Variants in CELF2 observed in about 807,000 individuals in gnomAD.
CELF2 encodes the protein CUG triplet repeat RNA-binding protein 2.
A neutral mutation model predicts 62.6 loss-of-function variants in CELF2; 8 were observed. The observed-to-expected ratio is 0.13, with a 90% CI of 0.07 to 0.23. The LOEUF is 0.23. Among genes scored for constraint, CELF2 ranks in the 10% least tolerant of loss-of-function variants. CELF2 has a pLI of 1.00. For missense variants in CELF2, 333 were observed against 671.0 expected (o/e 0.50, Z 5.56); for synonymous variants, 258 against 250.0 (o/e 1.03, Z -0.30).
intron 2 of CELF2, among the ~76,000 whole-genome samples, chr10:11,175,725 G>T (rs959937964): frequency 6.6e-6 from 1 of 152,160 alleles, no homozygotes; most frequent in Non-Finnish European, 1.5e-5. Context: ...CCGTTTTAAT[G>T]TTGAACTGAA....
At chr10:11,301,477 CT>C (rs1215711013) in intron 9 of CELF2, among the ~76,000 whole-genome samples, 2 of 37,118 alleles carry the variant, frequency 5.4e-5, no homozygotes, top group African/African-American at 1.2e-4. Context: ...ACCCCCCTCG[CT>C]TCCCCCCCTA....
chr10:11,193,408 G>A (rs958781617), intron 2 of CELF2, among the ~76,000 whole-genome samples: 11 of 152,208 alleles, frequency 7.2e-5, no homozygotes, highest in African/African-American at 1.4e-4. Flanking sequence ...AAGTTTCACC[G>A]TGACAAGTGC....
At chr10:10,625,083 T>C in the CELF2 span, among the ~76,000 whole-genome samples, 1 of 152,228 alleles carries the variant, frequency 6.6e-6, no homozygotes, top group East Asian at 1.9e-4. Flanking sequence ...TGCCCTTTTG[T>C]GACTTCTTTT....
At chr10:10,817,737 G>A (rs920694801) in intron 1 of CELF2, among the ~76,000 whole-genome samples, 1 of 152,146 alleles carries the variant, frequency 6.6e-6, no homozygotes, top group African/African-American at 2.4e-5. Context: ...GAACAGTTAG[G>A]TGGCTTCCAA....
intron 1 of CELF2, among the ~76,000 whole-genome samples, chr10:11,142,303 T>C (rs1477908823): frequency 6.6e-5 from 10 of 152,206 alleles, no homozygotes; most frequent in African/African-American, 2.2e-4. Context: ...TTGTGCCCTA[T>C]GGTTCTTATG....
the CELF2 span, among the ~76,000 whole-genome samples, chr10:10,753,989 G>T: frequency 6.7e-6 from 1 of 148,904 alleles, no homozygotes; most frequent in Admixed American, 6.8e-5. Flanking sequence ...TGCTTGTTGA[G>T]ACATGTTTCA....
chr10:10,706,168 T>TC, the CELF2 span, among the ~76,000 whole-genome samples: 139 of 152,346 alleles, frequency 9.1e-4, no homozygotes, highest in East Asian at 0.012. Context: ...ATATGATGCT[T>TC]CTTTCAGGAA....
chr10:11,030,426 A>G (rs2059910460), intron 1 of CELF2: 1 of 152,228 alleles, frequency 6.6e-6, no homozygotes, highest in South Asian at 2.1e-4. Context: ...CTCATTTCCA[A>G]AGCCTGAGGA....
At chr10:10,855,271 T>C (rs2059637204) in intron 1 of CELF2, among the ~76,000 whole-genome samples, 1 of 152,180 alleles carries the variant, frequency 6.6e-6, no homozygotes, top group Non-Finnish European at 1.5e-5. Flanking sequence ...TCAGAGGTGC[T>C]TCTGGCATTC....
At chr10:11,266,758 G>A in intron 6 of CELF2, 81 bp downstream of exon 6, 1 of 1,092,276 alleles carries the variant, frequency 9.2e-7, no homozygotes, top group Non-Finnish European at 1.4e-6. Flanking sequence ...TGTGTGGATT[G>A]TTCACATGAC....
the CELF2 span, among the ~76,000 whole-genome samples, chr10:10,646,080 G>A: frequency 6.6e-6 from 1 of 152,118 alleles, no homozygotes; most frequent in African/African-American, 2.4e-5. Flanking sequence ...TTTCAGATAA[G>A]ATCTAATATG....
intron 1 of CELF2, among the ~76,000 whole-genome samples, chr10:10,881,624 G>T (rs961266673): frequency 3.3e-5 from 5 of 152,070 alleles, no homozygotes; most frequent in East Asian, 3.9e-4. Flanking sequence ...CTAAATTCCC[G>T]ATCTGACTTT....
chr10:10,601,646 TAAAAC>T, the CELF2 span, among the ~76,000 whole-genome samples: 3 of 152,066 alleles, frequency 2.0e-5, no homozygotes, highest in African/African-American at 7.2e-5. Flanking sequence ...TATTCTGTCT[TAAAAC>T]AAACAAAAAA....
chr10:11,315,352 G>A lies in CELF2; in HGVS notation c.1096+1094G>A, dbSNP rs1223674270. ...AATAAAGGAGTCCGTGACAGTTGTTGCCCTATTTTAAGCCATGGTTCAATA... is the reference window on the plus strand; with the variant it reads ...AATAAAGGAGTCCGTGACAGTTGTTACCCTATTTTAAGCCATGGTTCAATA... On this transcript the variant is annotated intron_variant, in intron 10 of 12. Transcript: ENST00000633077. The surrounding 1 kb of genome is among the most constrained non-coding windows in gnomAD (Gnocchi z 5.8). Among the ~76,000 whole-genome samples the A allele has an allele frequency of 6.6e-6, 1 of 152,128 alleles. No homozygotes were observed. The highest frequency in any genetic ancestry group is 1.9e-4 in the East Asian group (1 of 5,192).
the CELF2 span, among the ~76,000 whole-genome samples, chr10:10,637,347 C>A: frequency 6.6e-6 from 1 of 152,286 alleles, no homozygotes; most frequent in Admixed American, 6.5e-5. Context: ...AGAACTAGAA[C>A]CTCCATCTCT....
the CELF2 span, among the ~76,000 whole-genome samples, chr10:10,716,769 C>T: frequency 6.6e-6 from 1 of 152,164 alleles, no homozygotes; most frequent in Non-Finnish European, 1.5e-5. Context: ...AAACTTTCCA[C>T]CAAAGCAAAG....
chr10:11,195,948 C>T (rs1565220356), intron 2 of CELF2, among the ~76,000 whole-genome samples: 1 of 151,914 alleles, frequency 6.6e-6, no homozygotes, highest in African/African-American at 2.4e-5. Flanking sequence ...AATATTAATA[C>T]TCTTTTTTTG....
chr10:10,793,848 T>C (rs568707552), upstream of CELF2, among the ~76,000 whole-genome samples: 40 of 152,298 alleles, frequency 2.6e-4, no homozygotes, highest in African/African-American at 9.6e-4. Context: ...AAATAAAAAA[T>C]AATCACCACA....
At position 11,315,899 on chromosome 10, in the gene CELF2, A is replaced by G. The variant is rs1004482233; in HGVS notation, c.1096+1641A>G. ...CTTGCCCCAGGACCTAGTTCCCCTA[A>G]AACAAGGACTTTGATTTGACCGCCT... On this transcript the variant is annotated intron_variant, in intron 10 of 12. Coordinates refer to ENST00000633077, the MANE Select transcript of CELF2 (RefSeq NM_001326342.2). This position sits in a 1 kb window ranked among gnomAD's most constrained non-coding sequence, Gnocchi z 5.8. Among the ~76,000 whole-genome samples, 3 of 152,204 alleles carry G rather than the reference A, an allele frequency of 2.0e-5. No individual in the cohort carries two copies. The highest frequency in any genetic ancestry group is 7.2e-5 in the African/African-American group (3 of 41,438).
Sources: gnomAD v4.1 joint callset for allele counts (sites outside exome capture counted in the v4.1 genomes callset) on GRCh38, gnomAD v4.1.1 for gene constraint, Gnocchi (gnomAD v3.1) non-coding constraint, MANE v1.5 for transcripts, NCBI Gene and HGNC (gene_info 2026-07-23, HGNC 2026-07-21) for gene names.